Variants in EIF3H observed in about 807,000 individuals in gnomAD.
EIF3H encodes the protein eIF-3-gamma.
In EIF3H, 26 loss-of-function variants were observed where a neutral mutation model predicts 44.2. The ratio of observed to expected loss-of-function variants is 0.59; its 90% CI spans 0.43 to 0.82. The LOEUF (loss-of-function observed/expected upper bound fraction) is 0.82, where lower values mean the gene tolerates loss of function less well. Among genes scored for constraint, EIF3H ranks in the 40% least tolerant of loss-of-function variants. The pLI is 0.00. For synonymous variants in EIF3H, 166 were observed against 151.9 expected, an observed-to-expected ratio of 1.09 and a Z score of -0.68; for missense variants, 359 against 432.8, an observed-to-expected ratio of 0.83 and a Z score of 1.51.
At chr8:116,752,220 T>C (rs1232538994) in intron 1 of EIF3H, among the ~76,000 whole-genome samples, 1 of 152,186 alleles carries the variant, frequency 6.6e-6, no homozygotes, top group African/African-American at 2.4e-5. Flanking sequence ...AATGTACCTT[T>C]GGAGTAAAAC....
chr8:116,730,703 TC>T (rs1165169600), intron 1 of EIF3H, among the ~76,000 whole-genome samples: 1 of 152,138 alleles, frequency 6.6e-6, no homozygotes, highest in Non-Finnish European at 1.5e-5. Context: ...TCGTGAATGT[TC>T]CCATAAAAAT....
intron 2 of EIF3H, among the ~76,000 whole-genome samples, chr8:116,698,080 A>G (rs1346150512): frequency 1.3e-5 from 2 of 152,218 alleles, no homozygotes; most frequent in Non-Finnish European, 2.9e-5. Flanking sequence ...AAATGCACCA[A>G]GTCTGTTTAA....
At chr8:116,705,376 C>CT (rs1384685998) in intron 2 of EIF3H, among the ~76,000 whole-genome samples, 1 of 151,940 alleles carries the variant, frequency 6.6e-6, no homozygotes, top group Non-Finnish European at 1.5e-5. Flanking sequence ...CTAATGCTTC[C>CT]TTAGGTTATA....
intron 2 of EIF3H, among the ~76,000 whole-genome samples, chr8:116,693,311 G>C (rs955166507): frequency 6.6e-6 from 1 of 152,098 alleles, no homozygotes; most frequent in African/African-American, 2.4e-5. Flanking sequence ...CTGCTTGTTA[G>C]CTCAACAGAG....
chr8:116,760,561 ATTTTGATTCATCAC>A (rs1037642911), upstream of EIF3H, among the ~76,000 whole-genome samples: 3 of 152,202 alleles, frequency 2.0e-5, no homozygotes, highest in African/African-American at 7.2e-5. Flanking sequence ...TCATCCCAGT[ATTTTGATTCATCAC>A]TTACCAACTA....
chr8:116,690,747 T>C (rs568073588), intron 2 of EIF3H, among the ~76,000 whole-genome samples: 1 of 152,322 alleles, frequency 6.6e-6, no homozygotes, highest in African/African-American at 2.4e-5. Context: ...ATTCTCAGTA[T>C]GTAGAAGAAA....
Position 116,748,606 on chromosome 8 carries a change from A to G in EIF3H, c.132+7060T>C, listed in dbSNP as rs563518526. 3.9e-5 allele frequency among the ~76,000 whole-genome samples: 6 copies of G among 152,338 alleles called. No individual in the cohort carries two copies. The South Asian group carries it at 6.2e-4, about 16-fold the overall frequency. ...CACAACATCTGAGTGCCTTCTATAC[A>G]CGAGGTACTGTTCTAGACCCTTAGA... On this transcript the variant is annotated intron_variant, in intron 1 of 7. Transcript: ENST00000521861.
At chr8:116,706,110 A>G (rs555685748) in intron 2 of EIF3H, among the ~76,000 whole-genome samples, 1 of 152,308 alleles carries the variant, frequency 6.6e-6, no homozygotes, top group South Asian at 2.1e-4. Flanking sequence ...AAAGTCCTAG[A>G]TTAAGTCACA....
intron 2 of EIF3H, among the ~76,000 whole-genome samples, chr8:116,712,533 A>G (rs1286403756): frequency 1.3e-5 from 2 of 152,224 alleles, no homozygotes; most frequent in African/African-American, 4.8e-5. Flanking sequence ...GTTTTCAACT[A>G]TATCAGAAAG....
At chr8:116,747,064 G>GT (rs1314407633) in intron 1 of EIF3H, among the ~76,000 whole-genome samples, 2 of 147,474 alleles carry the variant, frequency 1.4e-5, no homozygotes, top group Middle Eastern at 3.4e-3. Flanking sequence ...ATGTTTTTTT[G>GT]TTTTTTTGTT....
intron 2 of EIF3H, among the ~76,000 whole-genome samples, chr8:116,719,539 A>G (rs1554601553): frequency 6.6e-6 from 1 of 152,234 alleles, no homozygotes; most frequent in Non-Finnish European, 1.5e-5. Context: ...AGGACAGCAC[A>G]CAAATAAAAA....
rs577125237 is a variant in EIF3H, at chr8:116,727,613, G to A, written c.133-1441C>T. On this transcript the variant is annotated intron_variant, in intron 1 of 7. Coordinates refer to ENST00000521861, the MANE Select transcript of EIF3H (RefSeq NM_003756.3). Reference sequence around the variant, plus strand: ...ATGGGAGGGTTTGACTGTCCTGAGTGTCAGCTTAACATTCCATAGTTGGGG... The same window carrying A: ...ATGGGAGGGTTTGACTGTCCTGAGTATCAGCTTAACATTCCATAGTTGGGG... Among the ~76,000 whole-genome samples, 5 of 152,302 alleles carry A rather than the reference G, an allele frequency of 3.3e-5. No individual in the cohort carries two copies. The South Asian group carries it at 1.0e-3, about 32-fold the overall frequency.
chr8:116,755,777 A>C lies in EIF3H; in HGVS notation c.21T>G (p.Gly7=), dbSNP rs1486958775. 4 of 1,613,972 alleles carry C rather than the reference A, an allele frequency of 2.5e-6. No individual in the cohort carries two copies. Among genetic ancestry groups the C allele is most frequent in the South Asian group, 1.1e-5 (1 of 91,084 alleles). ...TGGAAGAGGTGGCAGTAGAGCCGGT[A>C]CCTTCCTTGCGGGACGCCATCTTTC... The part of the protein sequence containing the change: MASRKE[G]TGSTATSSSS... Residue 7 remains glycine (G), a synonymous_variant, in exon 1 of 8, where the codon GGT becomes GGG. Coordinates refer to ENST00000521861, the MANE Select transcript of EIF3H (RefSeq NM_003756.3).
intron 1 of EIF3H, among the ~76,000 whole-genome samples, chr8:116,748,800 T>C (rs1815282452): frequency 6.6e-6 from 1 of 152,238 alleles, no homozygotes; most frequent in South Asian, 2.1e-4. Flanking sequence ...GTAGCATTAG[T>C]TATTGCATAT....
At chr8:116,678,283 G>C (rs1301742401) in intron 2 of EIF3H, among the ~76,000 whole-genome samples, 1 of 150,666 alleles carries the variant, frequency 6.6e-6, no homozygotes, top group Non-Finnish European at 1.5e-5. Context: ...ACGGAGTCTC[G>C]TTCACTCAGT....
intron 1 of EIF3H, among the ~76,000 whole-genome samples, chr8:116,753,474 C>A (rs889580881): frequency 2.0e-5 from 3 of 152,062 alleles, no homozygotes; most frequent in Non-Finnish European, 4.4e-5. Context: ...AGCGTTTTCA[C>A]CACTGAAAAG....
chr8:116,668,999 T>C (rs1313117510), intron 2 of EIF3H, among the ~76,000 whole-genome samples: 1 of 152,046 alleles, frequency 6.6e-6, no homozygotes, highest in Admixed American at 6.5e-5. Context: ...CTCATCTCCA[T>C]ATTGGCGACG....
At chr8:116,707,646 A>G (rs1041074768) in intron 2 of EIF3H, among the ~76,000 whole-genome samples, 1 of 152,064 alleles carries the variant, frequency 6.6e-6, no homozygotes, top group Non-Finnish European at 1.5e-5. Flanking sequence ...ACCTCTCTCT[A>G]GTGTTCATCT....
chr8:116,711,084 C>A lies in EIF3H; in HGVS notation c.289+14932G>T, dbSNP rs773418282. ...TAATGGTATATGTGTACACACATTGCTTCCATAATTGGATACTAGCATCTT... is the reference window on the plus strand; with the variant it reads ...TAATGGTATATGTGTACACACATTGATTCCATAATTGGATACTAGCATCTT... On this transcript the variant is annotated intron_variant, in intron 2 of 7. Coordinates refer to ENST00000521861, the MANE Select transcript of EIF3H (RefSeq NM_003756.3). Among the ~76,000 whole-genome samples, 3 of 152,156 alleles carry A rather than the reference C, an allele frequency of 2.0e-5. No individual in the cohort carries two copies. The South Asian group carries it at 6.2e-4, about 32-fold the overall frequency.
Sources: gnomAD v4.1 joint callset for allele counts (sites outside exome capture counted in the v4.1 genomes callset) on GRCh38, gnomAD v4.1.1 for gene constraint, MANE v1.5 for transcripts, NCBI Gene and HGNC (gene_info 2026-07-23, HGNC 2026-07-21) for gene names.